The following TENM3 variants were observed in gnomAD, a reference collection of about 807,000 sequenced individuals.
The protein encoded by TENM3 is teneurin transmembrane protein 3, also known as teneurin-3.
A neutral mutation model predicts 255.1 loss-of-function variants in TENM3; 63 were observed. That is an observed-to-expected ratio of 0.25 (90% CI 0.20 to 0.30). The LOEUF (loss-of-function observed/expected upper bound fraction) is 0.30, where lower values mean the gene tolerates loss of function less well. Ranked by LOEUF, TENM3 falls within the 10% of genes least tolerant of loss-of-function variation. TENM3 has a pLI of 1.00. For missense variants in TENM3, 2,929 were observed against 3,461.1 expected, an observed-to-expected ratio of 0.85 and a Z score of 3.86; for synonymous variants, 1,306 against 1,322.3, an observed-to-expected ratio of 0.99 and a Z score of 0.27.
intron 5 of TENM3, among the ~76,000 whole-genome samples, chr4:182,650,532 C>A (rs1753160914): frequency 6.7e-6 from 1 of 149,716 alleles, no homozygotes; most frequent in African/African-American, 2.4e-5. Flanking sequence ...TTTATTACAC[C>A]ACTGCTCAGT....
chr4:182,423,793 A>T (rs1244233537), intron 3 of TENM3, among the ~76,000 whole-genome samples: 1 of 152,210 alleles, frequency 6.6e-6, no homozygotes, highest in African/African-American at 2.4e-5. Context: ...GTTTTAATAT[A>T]TTCTAATGGA....
intron 4 of TENM3, among the ~76,000 whole-genome samples, chr4:182,620,991 C>T (rs1026916458): frequency 6.6e-6 from 1 of 152,004 alleles, no homozygotes; most frequent in African/African-American, 2.4e-5. Context: ...ACCATCCTGG[C>T]TAACAAAGTG....
chr4:182,444,267 G>A (rs1166076527), intron 3 of TENM3, among the ~76,000 whole-genome samples: 5 of 152,252 alleles, frequency 3.3e-5, no homozygotes, highest in South Asian at 2.1e-4. Flanking sequence ...CCATATAGCT[G>A]TTAGAAAGTT....
chr4:181,650,802 T>G, the TENM3 span, among the ~76,000 whole-genome samples: 20 of 152,214 alleles, frequency 1.3e-4, no homozygotes, highest in African/African-American at 4.8e-4. Context: ...AGCAAATGCC[T>G]CATTCCTATT....
At chr4:181,890,805 A>T in the TENM3 span, among the ~76,000 whole-genome samples, 1 of 152,164 alleles carries the variant, frequency 6.6e-6, no homozygotes, top group Non-Finnish European at 1.5e-5. Context: ...GTTTAACTGC[A>T]CTTTTACTGA....
the TENM3 span, among the ~76,000 whole-genome samples, chr4:182,069,911 A>ATAC: frequency 6.6e-6 from 1 of 152,204 alleles, no homozygotes; most frequent in African/African-American, 2.4e-5. Flanking sequence ...AGGCATTATA[A>ATAC]TACTACAGCA....
intron 12 of TENM3, among the ~76,000 whole-genome samples, chr4:182,699,674 TAA>T (rs1042006915): frequency 1.3e-5 from 2 of 152,306 alleles, no homozygotes; most frequent in African/African-American, 2.4e-5. Flanking sequence ...AGTTGTTTTT[TAA>T]AAAGTTTATT....
At chr4:182,221,063 T>A (rs1755826034) in intron 1 of TENM3, among the ~76,000 whole-genome samples, 1 of 152,222 alleles carries the variant, frequency 6.6e-6, no homozygotes, top group African/African-American at 2.4e-5. Flanking sequence ...ATGGTTGTTC[T>A]GTGTGTGTGC....
At chr4:181,692,026 C>A in the TENM3 span, among the ~76,000 whole-genome samples, 3 of 152,072 alleles carry the variant, frequency 2.0e-5, no homozygotes, top group Non-Finnish European at 4.4e-5. Context: ...TCTGACAAAG[C>A]GTCATAAATC....
intron 3 of TENM3, among the ~76,000 whole-genome samples, chr4:182,385,464 C>A (rs1299295348): frequency 1.3e-5 from 2 of 152,014 alleles, no homozygotes; most frequent in African/African-American, 4.8e-5. Context: ...AGGATTTCGC[C>A]AAGCTGGCCA....
intron 7 of TENM3, among the ~76,000 whole-genome samples, chr4:182,674,826 T>C (rs931049243): frequency 2.2e-4 from 33 of 152,226 alleles, no homozygotes; most frequent in Non-Finnish European, 3.7e-4. Context: ...TCCGCCCACC[T>C]TCCCAAAGGA....
the TENM3 span, among the ~76,000 whole-genome samples, chr4:182,081,264 G>A: frequency 6.6e-6 from 1 of 151,876 alleles, no homozygotes; most frequent in Non-Finnish European, 1.5e-5. Context: ...GTATTTTGTG[G>A]GCACCAAGTG....
chr4:181,645,959 C>G, the TENM3 span, among the ~76,000 whole-genome samples: 2 of 152,218 alleles, frequency 1.3e-5, no homozygotes, highest in Non-Finnish European at 2.9e-5. Flanking sequence ...TGGGTGCTGC[C>G]CACATGATCT....
At chr4:181,710,724 C>T in the TENM3 span, among the ~76,000 whole-genome samples, 24 of 151,770 alleles carry the variant, frequency 1.6e-4, no homozygotes, top group African/African-American at 5.6e-4. Context: ...CCATCTCTTC[C>T]TTTTTGTGAG....
chr4:182,453,851 A>G (rs1336890080), intron 3 of TENM3, among the ~76,000 whole-genome samples: 2 of 152,122 alleles, frequency 1.3e-5, no homozygotes, highest in Non-Finnish European at 2.9e-5. Context: ...CCATTATTTC[A>G]TTTTACCTCC....
rs116670806 is a variant in TENM3, at chr4:182,335,743, C to G, written c.233-10908C>G. Among the ~76,000 whole-genome samples, 1,353 of 151,942 alleles carry G rather than the reference C, an allele frequency of 8.9e-3. 21 individuals carry two copies. The highest frequency in any genetic ancestry group is 0.032 in the African/African-American group (1,307 of 41,440). ...ACATGTAAATTAAAATACCCAGAAA[C>G]AAAATCACTACATTGGGAAATATGT... On this transcript the variant is annotated intron_variant, in intron 2 of 27. Transcript: ENST00000511685.
chr4:181,999,137 C>T, the TENM3 span, among the ~76,000 whole-genome samples: 1 of 152,114 alleles, frequency 6.6e-6, no homozygotes, highest in Non-Finnish European at 1.5e-5. Flanking sequence ...GCCAGATTTT[C>T]CTGGCACCAG....
chr4:182,082,732 C>T, the TENM3 span, among the ~76,000 whole-genome samples: 1 of 152,150 alleles, frequency 6.6e-6, no homozygotes, highest in Non-Finnish European at 1.5e-5. Context: ...GAACATGATG[C>T]CACGTGTGTT....
At chr4:181,753,929 G>T in the TENM3 span, among the ~76,000 whole-genome samples, 1 of 152,116 alleles carries the variant, frequency 6.6e-6, no homozygotes, top group Non-Finnish European at 1.5e-5. Context: ...AGGCAACACT[G>T]GGGGGAGTTA....
Sources: allele counts gnomAD v4.1 joint callset (sites outside exome capture counted in the v4.1 genomes callset), GRCh38; gene constraint gnomAD v4.1.1; transcripts MANE v1.5; gene names NCBI Gene and HGNC (gene_info 2026-07-23, HGNC 2026-07-21).